The following NBPF12 variants were observed in gnomAD, a reference collection of about 807,000 sequenced individuals.
NBPF12 encodes the protein NBPF family member NBPF12.
Under a neutral mutation model 146.4 loss-of-function variants are expected in NBPF12, and 115 were observed. The ratio of observed to expected loss-of-function variants is 0.79; its 90% CI spans 0.68 to 0.92. NBPF12 has a LOEUF of 0.92. Among genes scored for constraint, NBPF12 ranks in the 40% least tolerant of loss-of-function variants. NBPF12 has a pLI of 0.00. For synonymous variants in NBPF12, 385 were observed against 508.9 expected (o/e 0.76, Z 3.28); for missense variants, 1,205 against 1,326.8 (o/e 0.91, Z 1.43).
At chr1:146,961,767 A>G (rs1210559836) in intron 4 of NBPF12, among the ~76,000 whole-genome samples, 1 of 151,912 alleles carries the variant, frequency 6.6e-6, no homozygotes, top group Non-Finnish European at 1.5e-5. Flanking sequence ...TCAGTCCCAT[A>G]GTCCTAGGGG....
chr1:146,965,063 C>T (rs1319911996), exon 8 of NBPF12: 2 of 1,606,674 alleles, frequency 1.2e-6, no homozygotes, highest in Admixed American at 1.7e-5. Context: ...GACAGAAAAT[C>T]CTCTCATGAT....
chr1:146,980,356 T>A (rs1298517354), intron 19 of NBPF12, among the ~76,000 whole-genome samples: 4 of 152,112 alleles, frequency 2.6e-5, no homozygotes, highest in Non-Finnish European at 5.9e-5. Context: ...ATCCTGTCGT[T>A]ATGATGTTTG....
chr1:146,966,134 A>G (rs1258174234), intron 8 of NBPF12, among the ~76,000 whole-genome samples: 2 of 151,932 alleles, frequency 1.3e-5, no homozygotes, highest in Non-Finnish European at 2.9e-5. Flanking sequence ...CCAAAAAAGA[A>G]AAAAATTAAA....
intron 13 of NBPF12, 31 bp from the exon 17 acceptor site, chr1:146,972,720 C>A: frequency 7.3e-7 from 1 of 1,376,294 alleles, no homozygotes; most frequent in Admixed American, 1.7e-5. Context: ...CAGTTTTTAA[C>A]CCATCATGTG....
upstream of NBPF12, among the ~76,000 whole-genome samples, chr1:146,944,906 C>T (rs1398148419): frequency 3.0e-4 from 36 of 119,322 alleles, 1 homozygote; most frequent in African/African-American, 1.2e-3. Context: ...CTTTCTTCCT[C>T]CCTTCCTCCC....
chr1:146,966,512 C>T, exon 9 of NBPF12: 1 of 1,477,264 alleles, frequency 6.8e-7, no homozygotes. Context: ...GTGGTATCAG[C>T]CGGCCCTTTG....
In NBPF12 at chr1:146,961,647, A is replaced by G. The variant is rs1359610563; in HGVS notation, c.176-514A>G. Among the ~76,000 whole-genome samples the G allele has an allele frequency of 3.8e-3, 571 of 152,162 alleles. 5 individuals carry two copies. Among genetic ancestry groups the G allele is most frequent in the African/African-American group, 0.013 (546 of 41,398 alleles). On this transcript the variant is annotated intron_variant, in intron 4 of 33. Transcript: ENST00000617844. ...CTTATTTTCTTATGTCTCACACTTT[A>G]TGCTTCAGATATGATTCTTAAAACC...
intron 2 of NBPF12, chr1:146,957,581 T>C (rs1655650415): frequency 1.4e-5 from 2 of 138,186 alleles, no homozygotes; most frequent in Admixed American, 1.5e-4. Flanking sequence ...CCTGGGACGG[T>C]GGCACAGATG....
chr1:146,944,858 C>A (rs1394462137), upstream of NBPF12, among the ~76,000 whole-genome samples: 1,296 of 149,386 alleles, frequency 8.7e-3, 32 homozygotes, highest in African/African-American at 0.032. Context: ...CTCTCTCATT[C>A]TTTCCCTCCC....
intron 4 of NBPF12, among the ~76,000 whole-genome samples, chr1:146,961,097 G>A (rs1655820456): frequency 6.6e-6 from 1 of 152,054 alleles, no homozygotes; most frequent in Non-Finnish European, 1.5e-5. Context: ...AGTGAGCCAA[G>A]ATTGCACTAT....
exon 15 of NBPF12, chr1:146,974,785 G>A (rs1298711773): frequency 9.4e-7 from 1 of 1,063,400 alleles, no homozygotes; most frequent in Non-Finnish European, 1.3e-6. Flanking sequence ...TGAGGAATGA[G>A]CTACAGTTCA....
At chr1:146,970,461 C>T (rs1189482811) in intron 11 of NBPF12, among the ~76,000 whole-genome samples, 186 bp from the exon 15 acceptor site, 1 of 150,922 alleles carries the variant, frequency 6.6e-6, no homozygotes, top group Non-Finnish European at 1.5e-5. Flanking sequence ...TGGCCCTCCA[C>T]ATCAGAAATG....
intron 1 of NBPF12, among the ~76,000 whole-genome samples, 149 bp downstream of exon 1, chr1:146,939,161 C>A (rs1326094468): frequency 6.6e-6 from 1 of 152,002 alleles, no homozygotes; most frequent in African/African-American, 2.4e-5. Context: ...CGCTTGATTC[C>A]TCGCCTGCCG....
intron 15 of NBPF12, among the ~76,000 whole-genome samples, chr1:146,975,328 G>T (rs1265517672): frequency 4.4e-5 from 6 of 135,204 alleles, no homozygotes; most frequent in Non-Finnish European, 1.5e-5. Flanking sequence ...GTATCTAATG[G>T]CCGCAAGATG....
intron 9 of NBPF12, among the ~76,000 whole-genome samples, chr1:146,967,518 A>G (rs1299797735): frequency 8.7e-5 from 13 of 149,932 alleles, no homozygotes; most frequent in Admixed American, 7.3e-4. Context: ...ATAATGATAA[A>G]TAAAAATAAG....
chr1:146,942,813 G>A (rs1277888300), intron 1 of NBPF12, among the ~76,000 whole-genome samples: 5,895 of 147,634 alleles, frequency 0.04, 436 homozygotes, highest in African/African-American at 0.14. Flanking sequence ...CATTAACTAC[G>A]CCCACACACT....
chr1:146,950,456 T>C (rs1262696170), intron 1 of NBPF12, among the ~76,000 whole-genome samples: 1 of 151,680 alleles, frequency 6.6e-6, no homozygotes, highest in Non-Finnish European at 1.5e-5. Context: ...GATAAAGAAG[T>C]CACTAACCCA....
At chr1:146,968,491 T>A (rs1656348430) in exon 10 of NBPF12, 1 of 1,611,058 alleles carries the variant, frequency 6.2e-7, no homozygotes, top group South Asian at 1.1e-5. Flanking sequence ...TGCTGAGGAA[T>A]GAGCTACAGT....
Position 146,994,325 on chromosome 1 carries a change from T to G in NBPF12, c.4131-7T>G. ...GGCTGCTTCTTTAGTTTTGTCTCCTTTTCCAGGCTCAACAGCGTGCTGATG... is the reference window on the plus strand; with the variant it reads ...GGCTGCTTCTTTAGTTTTGTCTCCTGTTCCAGGCTCAACAGCGTGCTGATG... On this transcript the variant is annotated splice_polypyrimidine_tract_variant and splice_region_variant and intron_variant, in intron 33 of 33. Transcript: ENST00000617844. The G allele has an allele frequency of 8.7e-6, 14 of 1,611,678 alleles. No individual in the cohort carries two copies. The highest frequency in any genetic ancestry group is 1.2e-5 in the Non-Finnish European group (14 of 1,179,798).
Sources: allele counts gnomAD v4.1 joint callset (sites outside exome capture counted in the v4.1 genomes callset), GRCh38; gene constraint gnomAD v4.1.1; transcripts MANE v1.5; gene names NCBI Gene and HGNC (gene_info 2026-07-23, HGNC 2026-07-21).